The following MEP1A variants were observed in gnomAD, a reference collection of about 807,000 sequenced individuals.
MEP1A encodes N-benzoyl-L-tyrosyl-P-amino-benzoic acid hydrolase subunit alpha.
A neutral mutation model predicts 84.5 loss-of-function variants in MEP1A; 68 were observed. The observed-to-expected ratio is 0.80, with a 90% CI of 0.66 to 0.98. The LOEUF (loss-of-function observed/expected upper bound fraction) is 0.98, where lower values mean the gene tolerates loss of function less well. Ranked by LOEUF, MEP1A falls within the 50% of genes least tolerant of loss-of-function variation. The pLI is 0.00. For missense variants in MEP1A, 887 were observed against 919.9 expected, an observed-to-expected ratio of 0.96 and a Z score of 0.46; for synonymous variants, 337 against 336.8, an observed-to-expected ratio of 1.00 and a Z score of -0.01.
rs1768112803 is a variant in MEP1A at position 46,833,110 on chromosome 6, T to C, written c.1181T>C (p.Val394Ala). 6.5e-7 allele frequency: 1 copy of C among 1,535,110 alleles called. No individual in the cohort carries two copies. The highest frequency in any genetic ancestry group is 8.7e-7 in the Non-Finnish European group (1 of 1,145,518). Residue 394 changes from valine (V) to alanine (A), a missense_variant, in exon 11 of 14, where the codon GTG becomes GCG. Physicochemically the swap from Val to Ala is moderately conservative, Grantham distance 64 (BLOSUM62 0). Transcript: ENST00000230588. ...CACAATTGGAAAATTGCCCATGTGGTGCTCAAAGAGGAACAGAAGTTTCGC... is the reference window on the plus strand; with the variant it reads ...CACAATTGGAAAATTGCCCATGTGGCGCTCAAAGAGGAACAGAAGTTTCGC... ...DDHNWKIAHV[V>A]LKEEQKFRYL... is the part of the protein sequence containing the mutation.
intron 13 of MEP1A, 145 bp from the exon 14 acceptor site, chr6:46,838,835 T>C: frequency 1.5e-6 from 1 of 655,886 alleles, no homozygotes; most frequent in South Asian, 2.1e-5. Context: ...AGTTGGTCCA[T>C]ATACAGCTCT....
At chr6:46,824,548 A>G (rs550099431) in intron 7 of MEP1A, among the ~76,000 whole-genome samples, 70 of 141,618 alleles carry the variant, frequency 4.9e-4, no homozygotes, top group African/African-American at 1.7e-3. Context: ...TATTTAATAT[A>G]TAAATTATAT....
At chr6:46,823,779 A>G (rs1413062220) in intron 7 of MEP1A, among the ~76,000 whole-genome samples, 1 of 152,220 alleles carries the variant, frequency 6.6e-6, no homozygotes, top group Non-Finnish European at 1.5e-5. Context: ...CCATTAATGC[A>G]GCCCAAACAG....
intron 7 of MEP1A, among the ~76,000 whole-genome samples, chr6:46,824,936 A>T (rs1331894674): frequency 3.9e-5 from 5 of 128,190 alleles, no homozygotes; most frequent in South Asian, 2.4e-4. Context: ...ATTTAAATAT[A>T]TATAAATTAT....
chr6:46,836,127 G>A (rs575773224), intron 13 of MEP1A, among the ~76,000 whole-genome samples: 80 of 152,210 alleles, frequency 5.3e-4, no homozygotes, highest in African/African-American at 1.7e-3. Flanking sequence ...CCTTATCCCC[G>A]TTTAGTGTGT....
At chr6:46,809,680 T>G (rs1328066432) in intron 6 of MEP1A, 143 bp downstream of exon 6, 2 of 598,400 alleles carry the variant, frequency 3.3e-6, no homozygotes, top group Non-Finnish European at 6.0e-6. Flanking sequence ...AGTGAGAACA[T>G]ACAATGTTTG....
intron 7 of MEP1A, among the ~76,000 whole-genome samples, chr6:46,822,322 G>A (rs995780119): frequency 2.6e-5 from 4 of 152,146 alleles, no homozygotes; most frequent in South Asian, 2.1e-4. Flanking sequence ...TTACAGGATC[G>A]CATGCCCTGG....
chr6:46,815,413 C>T (rs575600234), intron 6 of MEP1A, among the ~76,000 whole-genome samples: 356 of 152,304 alleles, frequency 2.3e-3, no homozygotes, highest in South Asian at 9.9e-3. Context: ...CCATGCAGCC[C>T]GCAGTCCTAA....
At chr6:46,805,633 C>T (rs1382478935) in intron 5 of MEP1A, among the ~76,000 whole-genome samples, 1 of 151,872 alleles carries the variant, frequency 6.6e-6, no homozygotes, top group Non-Finnish European at 1.5e-5. Context: ...ATCCATCTTT[C>T]AAACTTTCAT....
At chr6:46,837,361 G>A (rs1768236987) in intron 13 of MEP1A, among the ~76,000 whole-genome samples, 1 of 152,110 alleles carries the variant, frequency 6.6e-6, no homozygotes, top group Non-Finnish European at 1.5e-5. Flanking sequence ...TTCCAGGTTG[G>A]CTCCTGTGCT....
At position 46,819,525 on chromosome 6, in the gene MEP1A, A is replaced by C. The variant is rs1767717382; in HGVS notation, c.381-4A>C. The C allele has an allele frequency of 3.8e-6, 6 of 1,597,380 alleles. No homozygotes were observed. Among genetic ancestry groups the C allele is most frequent in the Non-Finnish European group, 5.1e-6 (6 of 1,170,714 alleles). ...AGAAATTTTTCCTCTTCTCCTCTTTAAAGGTGCTGGTCTGAGGTTGGTGAC... is the reference window on the plus strand; with the variant it reads ...AGAAATTTTTCCTCTTCTCCTCTTTCAAGGTGCTGGTCTGAGGTTGGTGAC... On this transcript the variant is annotated splice_region_variant and splice_polypyrimidine_tract_variant and intron_variant, in intron 6 of 13. Transcript: ENST00000230588.
rs1324525935 is a variant in MEP1A, at chr6:46,839,305, G to A, written c.*169G>A. The A allele has an allele frequency of 2.2e-5, 12 of 535,638 alleles. No individual in the cohort carries two copies. Among genetic ancestry groups the A allele is most frequent in the African/African-American group, 3.8e-5 (2 of 52,258 alleles). 33.2% of individuals were successfully genotyped at this position (535,638 alleles called of 1,614,324 possible). On this transcript the variant is annotated 3_prime_UTR_variant, in exon 14 of 14. Transcript: ENST00000230588. The stretch of plus-strand genomic sequence containing the variant: ...TCATCTCTCTGCCCCACATAATTCT[G>A]TTACTTTGCTATGTGCTCCTAATGT...
chr6:46,841,596 G>A (rs1768332080), downstream of MEP1A, among the ~76,000 whole-genome samples: 1 of 152,186 alleles, frequency 6.6e-6, no homozygotes, highest in Non-Finnish European at 1.5e-5. Context: ...GAATCTGAGT[G>A]TCTGACTTCT....
chr6:46,793,435 A>G lies in MEP1A; in HGVS notation c.37A>G (p.Thr13Ala). The G allele has an allele frequency of 6.2e-7, 1 of 1,600,108 alleles. No homozygotes were observed. Among genetic ancestry groups the G allele is most frequent in the Non-Finnish European group, 8.5e-7 (1 of 1,176,464 alleles). ...TAGATCCACTTGCATTCTCTTTTTT[A>G]CCTTGCTTTTTGCCCACATAGCAGC... ...WIRSTCILFF[T>A]LLFAHIAAVP... The change falls in exon 1 of 14, where the codon ACC (threonine) becomes GCC (alanine). Residue 13 changes from threonine to alanine, a missense_variant. Transcript: ENST00000230588.
In MEP1A at chr6:46,833,203, C is replaced by G; in HGVS notation, c.1274C>G (p.Thr425Ser). The G allele has an allele frequency of 6.2e-7, 1 of 1,612,640 alleles. No individual in the cohort carries two copies. The highest frequency in any genetic ancestry group is 8.5e-7 in the Non-Finnish European group (1 of 1,179,296). ...GGGGGAATTTACCTAGATGACATCA[C>G]TCTGACAGAAACCCCCTGCCCCACA... Reference protein sequence around the residue: ...STGGIYLDDITLTETPCPTGV... With the variant: ...STGGIYLDDISLTETPCPTGV... The change falls in exon 11 of 14, where the codon ACT becomes AGT. Residue 425 changes from threonine to serine, a missense_variant. By Grantham distance (58) the Thr-to-Ser change is moderately conservative (BLOSUM62 1). Transcript: ENST00000230588.
chr6:46,794,551 C>T (rs747971949), intron 3 of MEP1A, among the ~76,000 whole-genome samples: 15 of 152,154 alleles, frequency 9.9e-5, no homozygotes, highest in Non-Finnish European at 2.2e-4. Context: ...TAGCTCAGTG[C>T]TATCTGAAGG....
intron 3 of MEP1A, among the ~76,000 whole-genome samples, chr6:46,796,535 CCTT>C (rs1168712378): frequency 2.0e-4 from 31 of 152,332 alleles, no homozygotes; most frequent in African/African-American, 6.7e-4. Flanking sequence ...TTGTATGTCT[CCTT>C]CTTCCCCCAA....
intron 5 of MEP1A, among the ~76,000 whole-genome samples, chr6:46,805,554 A>G (rs192110362): frequency 5.5e-4 from 83 of 152,006 alleles, no homozygotes; most frequent in African/African-American, 1.9e-3. Context: ...GTCTTTTATC[A>G]GATATATATT....
intron 10 of MEP1A, among the ~76,000 whole-genome samples, chr6:46,832,325 TG>T (rs1305255509): frequency 6.6e-6 from 1 of 152,238 alleles, no homozygotes; most frequent in East Asian, 1.9e-4. Context: ...AGCTCCTGTC[TG>T]GCTTCTTATA....
Sources: gnomAD v4.1 joint callset for allele counts (sites outside exome capture counted in the v4.1 genomes callset) on GRCh38, gnomAD v4.1.1 for gene constraint, MANE v1.5 for transcripts, NCBI Gene and HGNC (gene_info 2026-07-23, HGNC 2026-07-21) for gene names.